The following ROBO2 variants were observed in gnomAD, a reference collection of about 807,000 sequenced individuals.
ROBO2 encodes roundabout homolog 2.
ROBO2 carries 53 observed loss-of-function variants against 160.8 expected under a neutral mutation model. The ratio of observed to expected loss-of-function variants is 0.33; its 90% confidence interval spans 0.26 to 0.41. The LOEUF (loss-of-function observed/expected upper bound fraction) is 0.41, where lower values mean the gene tolerates loss of function less well. Ranked by LOEUF, ROBO2 falls within the 10% of genes least tolerant of loss-of-function variation. The pLI, the probability that ROBO2 is intolerant of heterozygous loss-of-function variation, is 1.00. For synonymous variants in ROBO2, 664 were observed against 611.7 expected (o/e 1.09, Z -1.26); for missense variants, 1,577 against 1,722.4 (o/e 0.92, Z 1.49).
intron 2 of ROBO2, among the ~76,000 whole-genome samples, chr3:77,332,402 T>G (rs2066062814): frequency 6.6e-6 from 1 of 152,160 alleles, no homozygotes; most frequent in Non-Finnish European, 1.5e-5. Flanking sequence ...TAGGTACATT[T>G]TACAGAGGTA....
chr3:77,029,232 G>C (rs1176576162), intron 2 of ROBO2, among the ~76,000 whole-genome samples: 1 of 152,078 alleles, frequency 6.6e-6, no homozygotes, highest in Non-Finnish European at 1.5e-5. Flanking sequence ...TATGAAGACT[G>C]TTTGGCTTCT....
intron 2 of ROBO2, among the ~76,000 whole-genome samples, chr3:77,383,637 TC>T (rs2073789286): frequency 1.3e-5 from 2 of 152,108 alleles, no homozygotes; most frequent in South Asian, 4.1e-4. Context: ...TTTGTTTAAG[TC>T]CCTAAAGGTA....
chr3:76,476,621 G>T (rs1223612243), intron 2 of ROBO2, among the ~76,000 whole-genome samples: 2 of 152,258 alleles, frequency 1.3e-5, no homozygotes, highest in East Asian at 3.9e-4. Context: ...TCAATCCAGG[G>T]TGATTGGGAG....
chr3:76,257,042 C>T (rs555136185), intron 2 of ROBO2, among the ~76,000 whole-genome samples: 4 of 152,044 alleles, frequency 2.6e-5, no homozygotes, highest in South Asian at 2.1e-4. Context: ...CCAAGCCCCT[C>T]GGCCCAGCCC....
intron 2 of ROBO2, among the ~76,000 whole-genome samples, chr3:77,454,015 C>T (rs936795551): frequency 2.6e-5 from 4 of 151,962 alleles, no homozygotes; most frequent in African/African-American, 7.2e-5. Flanking sequence ...CCTCATTTCC[C>T]GTTAATGATT....
intron 2 of ROBO2, among the ~76,000 whole-genome samples, chr3:76,724,851 T>C (rs1164527326): frequency 6.6e-6 from 1 of 152,036 alleles, no homozygotes; most frequent in Non-Finnish European, 1.5e-5. Context: ...CAATCATGAG[T>C]GTCCTTACGA....
intron 2 of ROBO2, among the ~76,000 whole-genome samples, chr3:77,122,875 T>G (rs928292951): frequency 5.3e-5 from 8 of 152,212 alleles, no homozygotes; most frequent in Non-Finnish European, 7.3e-5. Context: ...TAGTTCACAC[T>G]AATGGTGTTT....
chr3:77,602,935 C>A (rs2094461934), intron 20 of ROBO2: 1 of 457,778 alleles, frequency 2.2e-6, no homozygotes, highest in African/African-American at 2.0e-5. Flanking sequence ...TAACCCTTAG[C>A]CTTACTTTAC....
intron 1 of ROBO2, among the ~76,000 whole-genome samples, chr3:77,074,766 A>C (rs1041408802): frequency 2.0e-5 from 3 of 152,170 alleles, no homozygotes; most frequent in Admixed American, 2.0e-4. Flanking sequence ...GAATGAATGA[A>C]ATCCTTTGAA....
intron 2 of ROBO2, among the ~76,000 whole-genome samples, chr3:76,016,874 C>G (rs2066420853): frequency 6.6e-6 from 1 of 151,764 alleles, no homozygotes; most frequent in Non-Finnish European, 1.5e-5. Flanking sequence ...GAAAAACAGA[C>G]AAATGAAGAC....
At chr3:77,453,963 G>GT (rs936524100) in intron 2 of ROBO2, among the ~76,000 whole-genome samples, 2 of 151,950 alleles carry the variant, frequency 1.3e-5, no homozygotes, top group Admixed American at 6.6e-5. Flanking sequence ...GCAAATACAT[G>GT]TTTTTTTGCT....
chr3:76,773,328 A>AT lies in ROBO2; in HGVS notation c.110-324679dup, dbSNP rs1334180404. Reference sequence around the variant, plus strand: ...AAATTAAATTGTGACTTCATGAAGGATTTTTTTCTTGAAAACTTCTAAGAG... The same window carrying AT: ...AAATTAAATTGTGACTTCATGAAGGATTTTTTTTCTTGAAAACTTCTAAGAG... On this transcript the variant is annotated intron_variant, in intron 2 of 26. Coordinates refer to the ROBO2 transcript ENST00000487694. Among the ~76,000 whole-genome samples, 12 of 150,816 alleles carry AT rather than the reference A, an allele frequency of 8.0e-5. No homozygotes were observed. The South Asian group carries it at 8.3e-4, about 10-fold the overall frequency.
At chr3:77,019,200 T>C (rs1455157018) in intron 2 of ROBO2, among the ~76,000 whole-genome samples, 2 of 152,150 alleles carry the variant, frequency 1.3e-5, no homozygotes, top group East Asian at 3.9e-4. Context: ...CTCACAGCTC[T>C]GGGGGCAGGA....
chr3:76,898,229 C>T (rs1297133643), intron 2 of ROBO2, among the ~76,000 whole-genome samples: 1 of 151,982 alleles, frequency 6.6e-6, no homozygotes, highest in Non-Finnish European at 1.5e-5. Flanking sequence ...TTATTAAAGG[C>T]TTTATTTTTA....
At chr3:77,329,630 A>G (rs1373845222) in intron 2 of ROBO2, among the ~76,000 whole-genome samples, 2 of 152,166 alleles carry the variant, frequency 1.3e-5, no homozygotes, top group Non-Finnish European at 2.9e-5. Context: ...TTTGCTGGAT[A>G]ATTAATTCTC....
At chr3:76,190,949 C>T (rs1367671344) in intron 2 of ROBO2, among the ~76,000 whole-genome samples, 9 of 152,014 alleles carry the variant, frequency 5.9e-5, no homozygotes, top group African/African-American at 2.2e-4. Context: ...TGTAGGCATT[C>T]AAAGGTTTTG....
intron 1 of ROBO2, among the ~76,000 whole-genome samples, chr3:77,046,571 G>T (rs2064693856): frequency 6.6e-6 from 1 of 152,182 alleles, no homozygotes; most frequent in Non-Finnish European, 1.5e-5. Flanking sequence ...GAAGCTTAGA[G>T]ATTTTATGTG....
intron 2 of ROBO2, among the ~76,000 whole-genome samples, chr3:77,153,018 A>G (rs1430646395): frequency 6.6e-6 from 1 of 152,164 alleles, no homozygotes; most frequent in Non-Finnish European, 1.5e-5. Context: ...GGAATTATTT[A>G]AGGTGTGGTC....
chr3:76,412,148 A>T (rs1577030040), intron 2 of ROBO2, among the ~76,000 whole-genome samples: 1 of 152,218 alleles, frequency 6.6e-6, no homozygotes, highest in East Asian at 1.9e-4. Context: ...CCACTGATAA[A>T]CCCATCAGAT....
Sources: allele counts gnomAD v4.1 joint callset (sites outside exome capture counted in the v4.1 genomes callset), GRCh38; gene constraint gnomAD v4.1.1; transcripts MANE v1.5; gene names NCBI Gene and HGNC (gene_info 2026-07-23, HGNC 2026-07-21).